Variants in NELL1 observed in about 807,000 individuals in gnomAD.
The protein encoded by NELL1 is neural EGFL like 1, also known as protein kinase C-binding protein NELL1.
Under a neutral mutation model 107.4 loss-of-function variants are expected in NELL1, and 76 were observed. The ratio of observed to expected loss-of-function variants is 0.71; its 90% CI spans 0.59 to 0.86. The LOEUF (loss-of-function observed/expected upper bound fraction) is 0.86, where lower values mean the gene tolerates loss of function less well. Ranked by LOEUF, NELL1 falls within the 40% of genes least tolerant of loss-of-function variation. NELL1 has a pLI of 0.00. For missense variants in NELL1, 1,024 were observed against 1,005.5 expected (o/e 1.02, Z -0.25); for synonymous variants, 353 against 341.2 (o/e 1.03, Z -0.38).
At chr11:21,564,410 A>T (rs1856922705) in intron 17 of NELL1, among the ~76,000 whole-genome samples, 1 of 151,976 alleles carries the variant, frequency 6.6e-6, no homozygotes, top group East Asian at 1.9e-4. Flanking sequence ...TGTTTGAGAC[A>T]TAGCTGCCCA....
At chr11:20,764,049 T>C (rs1856480601) in intron 2 of NELL1, among the ~76,000 whole-genome samples, 1 of 152,250 alleles carries the variant, frequency 6.6e-6, no homozygotes, top group Admixed American at 6.5e-5. Flanking sequence ...ATATGGGCTC[T>C]GCGTTGCCAG....
intron 15 of NELL1, among the ~76,000 whole-genome samples, chr11:21,528,598 G>A (rs768710472): frequency 2.2e-5 from 3 of 139,324 alleles, no homozygotes; most frequent in Non-Finnish European, 4.5e-5. Context: ...GGACTTTTCA[G>A]TCACCAGGAT....
At chr11:21,086,995 C>T (rs561501974) in intron 12 of NELL1, among the ~76,000 whole-genome samples, 10 of 151,916 alleles carry the variant, frequency 6.6e-5, no homozygotes, top group East Asian at 1.9e-4. Flanking sequence ...TGTGTCACCA[C>T]GCCTGGCTAA....
chr11:20,976,750 T>G (rs1317786351), intron 12 of NELL1, among the ~76,000 whole-genome samples: 3 of 152,188 alleles, frequency 2.0e-5, no homozygotes, highest in African/African-American at 7.2e-5. Flanking sequence ...AAAATGCTCC[T>G]TAATGGCTTT....
At chr11:20,793,917 A>T (rs1407082458) in intron 3 of NELL1, among the ~76,000 whole-genome samples, 1 of 152,064 alleles carries the variant, frequency 6.6e-6, no homozygotes, top group Non-Finnish European at 1.5e-5. Flanking sequence ...AAAATAATGG[A>T]TTGCTTTTGA....
chr11:21,351,901 A>G (rs1308183485), intron 14 of NELL1, among the ~76,000 whole-genome samples: 1 of 152,192 alleles, frequency 6.6e-6, no homozygotes, highest in Non-Finnish European at 1.5e-5. Context: ...AATTGCGTTC[A>G]GAACAATAAA....
intron 16 of NELL1, among the ~76,000 whole-genome samples, chr11:21,553,113 T>A (rs1856629629): frequency 6.6e-6 from 1 of 151,814 alleles, no homozygotes; most frequent in Admixed American, 6.6e-5. Flanking sequence ...ATGAAATTAC[T>A]TTGTAACCTC....
chr11:21,254,866 T>C (rs1346057655), intron 14 of NELL1, among the ~76,000 whole-genome samples: 1 of 152,116 alleles, frequency 6.6e-6, no homozygotes. Flanking sequence ...TGCATGGAGT[T>C]CAGAGACATT....
chr11:20,874,669 T>G (rs1849269266), intron 4 of NELL1, among the ~76,000 whole-genome samples: 1 of 152,224 alleles, frequency 6.6e-6, no homozygotes, highest in South Asian at 2.1e-4. Context: ...CTTCATCATC[T>G]GCTGAAACAC....
chr11:21,308,762 G>T (rs568788233), intron 14 of NELL1, among the ~76,000 whole-genome samples: 121 of 151,968 alleles, frequency 8.0e-4, no homozygotes, highest in African/African-American at 2.9e-3. Context: ...CTTGTGATAG[G>T]ATCATAAGCC....
intron 5 of NELL1, among the ~76,000 whole-genome samples, chr11:20,906,273 TGGATCATGAAGAAGACC>T (rs1309940434): frequency 6.6e-6 from 1 of 152,116 alleles, no homozygotes; most frequent in Non-Finnish European, 1.5e-5. Flanking sequence ...CAACCAGGAC[TGGATCATGAAGAAGACC>T]GGATCATGAA....
intron 2 of NELL1, among the ~76,000 whole-genome samples, chr11:20,743,551 C>G (rs1448740504): frequency 6.6e-6 from 1 of 152,144 alleles, no homozygotes; most frequent in Admixed American, 6.5e-5. Flanking sequence ...TAGCCATCAC[C>G]TAAAGCTAGG....
chr11:21,305,809 T>G (rs776802584), intron 14 of NELL1, among the ~76,000 whole-genome samples: 1 of 151,964 alleles, frequency 6.6e-6, no homozygotes, highest in Non-Finnish European at 1.5e-5. Flanking sequence ...TTTGAACAAT[T>G]ACAAAACTAT....
At chr11:21,027,078 C>T (rs916453990) in intron 12 of NELL1, among the ~76,000 whole-genome samples, 2 of 152,060 alleles carry the variant, frequency 1.3e-5, no homozygotes, top group African/African-American at 4.8e-5. Flanking sequence ...ATTTTCCTCT[C>T]ACTGAGCATT....
At chr11:21,515,258 A>G (rs533663422) in intron 15 of NELL1, among the ~76,000 whole-genome samples, 1 of 152,320 alleles carries the variant, frequency 6.6e-6, no homozygotes, top group African/African-American at 2.4e-5. Flanking sequence ...AGTCTTTGGC[A>G]TAAGTCATGG....
chr11:21,387,295 T>A (rs10766794), intron 15 of NELL1, among the ~76,000 whole-genome samples: 44,498 of 151,626 alleles, frequency 0.29, 7,040 homozygotes, highest in Non-Finnish European at 0.35. Flanking sequence ...TTTTTTCTAT[T>A]GCACTTTTCA....
chr11:20,694,463 T>C (rs1854559626), intron 2 of NELL1, among the ~76,000 whole-genome samples: 1 of 152,054 alleles, frequency 6.6e-6, no homozygotes, highest in African/African-American at 2.4e-5. Context: ...GACAGGAGTC[T>C]ATTTTCATTC....
intron 12 of NELL1, among the ~76,000 whole-genome samples, chr11:21,097,305 C>A (rs1276493900): frequency 1.3e-5 from 2 of 152,168 alleles, no homozygotes; most frequent in African/African-American, 4.8e-5. Flanking sequence ...GTAAAACCAG[C>A]ACTCAGGCAA....
chr11:21,159,533 A>ATACAAATG (rs1383414056), intron 13 of NELL1, among the ~76,000 whole-genome samples: 1 of 152,186 alleles, frequency 6.6e-6, no homozygotes, highest in East Asian at 1.9e-4. Context: ...AAAGTTGCAA[A>ATACAAATG]TACAAATGTC....
Sources: allele counts gnomAD v4.1 joint callset (sites outside exome capture counted in the v4.1 genomes callset), GRCh38; gene constraint gnomAD v4.1.1; transcripts MANE v1.5; gene names NCBI Gene and HGNC (gene_info 2026-07-23, HGNC 2026-07-21).